PRP4K: variants seen among roughly 807,000 people sequenced by gnomAD.
PRP4K encodes serine/threonine-protein kinase PRP4 homolog.
chr6:4,031,967 T>C, the PRP4K span: 1 of 1,613,884 alleles, frequency 6.2e-7, no homozygotes, highest in Non-Finnish European at 8.5e-7. Context: ...AGGGGGAAAT[T>C]CATGAAAAGG....
the PRP4K span, among the ~76,000 whole-genome samples, chr6:4,055,778 C>G: frequency 6.6e-6 from 1 of 152,116 alleles, no homozygotes; most frequent in Non-Finnish European, 1.5e-5. Context: ...TTGACTAATA[C>G]CTTCTTTATA....
chr6:4,037,666 C>G, the PRP4K span: 2 of 1,226,854 alleles, frequency 1.6e-6, no homozygotes, highest in South Asian at 3.6e-5. Context: ...CCAGTTTTCT[C>G]TGAAAAATCG....
the PRP4K span, among the ~76,000 whole-genome samples, chr6:4,043,556 AATG>A: frequency 6.6e-6 from 1 of 152,132 alleles, no homozygotes; most frequent in Non-Finnish European, 1.5e-5. Context: ...TAAGACAATA[AATG>A]GTGCCTCATC....
chr6:4,024,087 G>A, the PRP4K span, among the ~76,000 whole-genome samples: 4 of 152,094 alleles, frequency 2.6e-5, no homozygotes, highest in Admixed American at 6.5e-5. Context: ...GGATGGTCCC[G>A]ATCTCCTGAC....
the PRP4K span, among the ~76,000 whole-genome samples, chr6:4,054,672 A>G: frequency 6.6e-6 from 1 of 152,040 alleles, no homozygotes; most frequent in Non-Finnish European, 1.5e-5. Flanking sequence ...ACGCCCAGCT[A>G]ATTTTTGTAT....
chr6:4,057,233 ACTGACAAGACTG>A, the PRP4K span: 3 of 1,569,786 alleles, frequency 1.9e-6, no homozygotes, highest in Non-Finnish European at 2.6e-6. Flanking sequence ...TTTCTTATTA[ACTGACAAGACTG>A]CTGACACTTG....
At chr6:4,038,021 A>G in the PRP4K span, among the ~76,000 whole-genome samples, 1 of 152,186 alleles carries the variant, frequency 6.6e-6, no homozygotes, top group Admixed American at 6.5e-5. Flanking sequence ...ATATGTAGTC[A>G]GTAATAGGTT....
chr6:4,042,071 A>G, the PRP4K span, among the ~76,000 whole-genome samples: 3 of 152,220 alleles, frequency 2.0e-5, no homozygotes, highest in East Asian at 5.8e-4. Context: ...TTGATAGGGA[A>G]GTACGGGTAT....
chr6:4,057,975 C>T, the PRP4K span, among the ~76,000 whole-genome samples: 9 of 151,956 alleles, frequency 5.9e-5, no homozygotes, highest in African/African-American at 2.2e-4. Flanking sequence ...ACACATTTTT[C>T]GTAAAGGTCA....
chr6:4,040,450 A>G, the PRP4K span, among the ~76,000 whole-genome samples: 1 of 152,124 alleles, frequency 6.6e-6, no homozygotes, highest in African/African-American at 2.4e-5. Flanking sequence ...AACAGTAGGT[A>G]TTTATCCCCA....
the PRP4K span, among the ~76,000 whole-genome samples, chr6:4,040,491 C>A: frequency 6.6e-6 from 1 of 152,114 alleles, no homozygotes; most frequent in Non-Finnish European, 1.5e-5. Flanking sequence ...AAGTTCATAT[C>A]CATGGGAAGA....
the PRP4K span, chr6:4,049,916 C>T: frequency 1.9e-6 from 3 of 1,587,266 alleles, no homozygotes; most frequent in Admixed American, 1.8e-5. Context: ...TTTAACAGTA[C>T]GGATACTTAC....
At chr6:4,059,000 T>C in the PRP4K span, 4 of 515,028 alleles carry the variant, frequency 7.8e-6, no homozygotes, top group African/African-American at 2.0e-5. Context: ...AATGTTTTTC[T>C]AGCATAATTA....
At chr6:4,043,582 G>T in the PRP4K span, among the ~76,000 whole-genome samples, 2 of 152,146 alleles carry the variant, frequency 1.3e-5, no homozygotes, top group Admixed American at 1.3e-4. Context: ...ATCAGGTCCA[G>T]TGCTGCCACC....
the PRP4K span, among the ~76,000 whole-genome samples, chr6:4,038,967 T>G: frequency 6.6e-6 from 1 of 151,542 alleles, no homozygotes; most frequent in African/African-American, 2.4e-5. Flanking sequence ...AATTGGACCT[T>G]CTATATTGTT....
the PRP4K span, among the ~76,000 whole-genome samples, chr6:4,044,864 T>TTATTA: frequency 9.0e-5 from 3 of 33,170 alleles, no homozygotes; most frequent in Non-Finnish European, 1.8e-4. Context: ...ATTATTATTA[T>TTATTA]TTTTTTTTTT....
At chr6:4,021,383 C>G in the PRP4K span, 3 of 1,558,916 alleles carry the variant, frequency 1.9e-6, no homozygotes, top group African/African-American at 2.7e-5. Context: ...CTCCACCGTC[C>G]GGGAGCCGCC....
At chr6:4,045,725 T>C in the PRP4K span, among the ~76,000 whole-genome samples, 1 of 152,242 alleles carries the variant, frequency 6.6e-6, no homozygotes, top group African/African-American at 2.4e-5. Context: ...CTACATATAC[T>C]AACTGTGGCT....
chr6:4,049,609 A>G, the PRP4K span: 499 of 971,580 alleles, frequency 5.1e-4, 2 homozygotes, highest in South Asian at 7.5e-3. Flanking sequence ...TTGATTCTTC[A>G]TTGTGTCTAG....
Sources: gnomAD v4.1 joint callset for allele counts (sites outside exome capture counted in the v4.1 genomes callset) on GRCh38, gnomAD v4.1.1 for gene constraint, MANE v1.5 for transcripts, NCBI Gene and HGNC (gene_info 2026-07-23, HGNC 2026-07-21) for gene names.